CLCN5: variants seen among roughly 807,000 people sequenced by gnomAD.
CLCN5 encodes Cl-/H+ antiporter 5.
A neutral mutation model predicts 54.0 loss-of-function variants in CLCN5; 17 were observed. The observed-to-expected ratio is 0.31, with a 90% confidence interval of 0.22 to 0.47. The LOEUF (loss-of-function observed/expected upper bound fraction) is 0.47, where lower values mean the gene tolerates loss of function less well. CLCN5 is among the 20% of genes least tolerant of loss of function. CLCN5 has a pLI of 1.00. For missense variants in CLCN5, 448 were observed against 646.7 expected (o/e 0.69, Z 3.33); for synonymous variants, 222 against 233.0 (o/e 0.95, Z 0.43).
At chrX:49,940,558 G>A (rs1445581029) in intron 3 of CLCN5, among the ~76,000 whole-genome samples, 6 of 112,274 alleles carry the variant, frequency 5.3e-5, no homozygotes, top group Non-Finnish European at 1.9e-5. Context: ...CTAGCTTTTG[G>A]AAGGACGGTA....
At position 49,933,801 on chromosome X, in the gene CLCN5, C is replaced by G. The variant is rs928985220; in HGVS notation, c.16+8487C>G. ...GTTATGATAATATTTACTGCACGTG[C>G]TTCTAGATGAGAGTCAGTCATCAGA... On this transcript the variant is annotated intron_variant, in intron 3 of 14. Transcript: ENST00000376091. 6.8e-4 allele frequency among the ~76,000 whole-genome samples: 76 copies of G among 112,057 alleles called. 1 individual carries two copies. The highest frequency in any genetic ancestry group is 2.4e-3 in the African/African-American group (74 of 30,888).
chrX:49,956,086 A>G (rs2147296850), intron 3 of CLCN5, among the ~76,000 whole-genome samples: 1 of 112,194 alleles, frequency 8.9e-6, no homozygotes, highest in East Asian at 2.8e-4. Flanking sequence ...CATTAGAGCT[A>G]ATATTAGCCT....
intron 3 of CLCN5, among the ~76,000 whole-genome samples, chrX:49,944,569 G>T (rs1203583682): frequency 9.0e-6 from 1 of 111,723 alleles, no homozygotes; most frequent in Middle Eastern, 4.2e-3. Flanking sequence ...ATTATTTTGA[G>T]ATACGTCCCA....
intron 3 of CLCN5, among the ~76,000 whole-genome samples, chrX:49,995,548 C>A (rs1335748282): frequency 1.8e-5 from 2 of 111,399 alleles, no homozygotes; most frequent in Non-Finnish European, 3.8e-5. Flanking sequence ...CAGAGACATT[C>A]TTAGAGTGGG....
intron 4 of CLCN5, among the ~76,000 whole-genome samples, chrX:50,064,114 C>G (rs1251800342): frequency 9.3e-6 from 1 of 107,006 alleles, no homozygotes; most frequent in South Asian, 4.3e-4. Context: ...CAGGGATGCC[C>G]TCTCTCACCG....
intron 3 of CLCN5, among the ~76,000 whole-genome samples, chrX:49,979,022 C>A (rs1602006443): frequency 9.0e-6 from 1 of 111,037 alleles, no homozygotes. Flanking sequence ...AGAAGATAAT[C>A]AAAACACAGG....
chrX:49,979,539 T>C (rs190169557), intron 3 of CLCN5, among the ~76,000 whole-genome samples: 2 of 112,291 alleles, frequency 1.8e-5, no homozygotes, highest in East Asian at 5.6e-4. Context: ...CAAAATATAA[T>C]TCATTTTCTG....
At chrX:50,050,690 C>T (rs1207497709) in intron 4 of CLCN5, among the ~76,000 whole-genome samples, 2 of 78,643 alleles carry the variant, frequency 2.5e-5, no homozygotes, top group Non-Finnish European at 4.5e-5. Context: ...GATGGAGTCT[C>T]GCTCTGTTGA....
Position 50,077,615 on chromosome X carries a change from A to T in CLCN5, c.603+1633A>T, listed in dbSNP as rs1157192446. Among the ~76,000 whole-genome samples, 751 of 90,825 alleles carry T rather than the reference A, an allele frequency of 8.3e-3. 12 individuals carry two copies. The highest frequency in any genetic ancestry group is 0.035 in the African/African-American group (714 of 20,431). 78.9% of individuals were successfully genotyped at this position (90,825 alleles called of 115,157 possible). The stretch of plus-strand genomic sequence containing the variant: ...GTGAAAGAGAGAGAGAGAGAGAGAG[A>T]GAGAGAGTGTGTGTGTGTGTGTGTG... On this transcript the variant is annotated intron_variant, in intron 7 of 14. Transcript: ENST00000376091.
intron 3 of CLCN5, among the ~76,000 whole-genome samples, chrX:49,933,577 G>A (rs1557169167): frequency 8.9e-6 from 1 of 111,892 alleles, no homozygotes; most frequent in African/African-American, 3.3e-5. Flanking sequence ...CAGACTCCCT[G>A]GATTTGTATC....
chrX:49,998,269 C>T (rs1213355989), intron 3 of CLCN5, among the ~76,000 whole-genome samples: 1 of 111,646 alleles, frequency 9.0e-6, no homozygotes, highest in African/African-American at 3.3e-5. Flanking sequence ...ACTGCTCAAA[C>T]GACACAGGTG....
chrX:50,080,109 C>G (rs1557192822), intron 7 of CLCN5, among the ~76,000 whole-genome samples: 3 of 111,197 alleles, frequency 2.7e-5, no homozygotes, highest in South Asian at 7.7e-4. Context: ...AATTTTGTTA[C>G]TATAAACTAT....
intron 3 of CLCN5, among the ~76,000 whole-genome samples, chrX:50,007,892 T>C (rs781998798): frequency 8.9e-6 from 1 of 112,140 alleles, no homozygotes; most frequent in East Asian, 2.8e-4. Context: ...TCTAGGCTAA[T>C]ATGTGGTAGA....
chrX:50,086,314 C>G lies in CLCN5; in HGVS notation c.1015-14C>G. ...GTATTGACTGAGTTTGCTTTCTCAC[C>G]TTCTTTCTTCTAGGTCAGCTACTAT... is the stretch of plus-strand genomic sequence containing the variant. On this transcript the variant is annotated splice_polypyrimidine_tract_variant and intron_variant, in intron 10 of 14. Coordinates refer to ENST00000376091, the MANE Select transcript of CLCN5 (RefSeq NM_001127898.4). The G allele has an allele frequency of 8.3e-7, 1 of 1,203,983 alleles. No individual in the cohort carries two copies. Among genetic ancestry groups the G allele is most frequent in the Non-Finnish European group, 1.1e-6 (1 of 890,329 alleles).
intron 3 of CLCN5, among the ~76,000 whole-genome samples, chrX:50,004,248 A>G (rs1307386214): frequency 8.9e-6 from 1 of 112,203 alleles, no homozygotes; most frequent in African/African-American, 3.2e-5. Context: ...CACCAGGGAT[A>G]CACCAGTGAC....
At chrX:49,942,559 C>A (rs782260899) in intron 3 of CLCN5, among the ~76,000 whole-genome samples, 1 of 101,847 alleles carries the variant, frequency 9.8e-6, no homozygotes, top group African/African-American at 3.6e-5. Flanking sequence ...CCCCCTCCCC[C>A]CTACCCCACG....
intron 4 of CLCN5, among the ~76,000 whole-genome samples, chrX:50,069,310 G>A (rs1933144526): frequency 9.0e-6 from 1 of 111,293 alleles, no homozygotes; most frequent in Admixed American, 9.6e-5. Flanking sequence ...ATCTTAGACT[G>A]TGCTGACATA....
intron 4 of CLCN5, among the ~76,000 whole-genome samples, chrX:50,057,797 G>T (rs1192380310): frequency 2.7e-5 from 3 of 109,377 alleles, no homozygotes; most frequent in African/African-American, 9.9e-5. Context: ...GGCACAAGTT[G>T]CTAGATAGAA....
intron 3 of CLCN5, among the ~76,000 whole-genome samples, chrX:50,041,401 T>C (rs1557187120): frequency 9.0e-6 from 1 of 111,346 alleles, no homozygotes; most frequent in African/African-American, 3.3e-5. Context: ...TTAAGTAAAA[T>C]TTACAATCTG....
Sources: gnomAD v4.1 joint callset for allele counts (sites outside exome capture counted in the v4.1 genomes callset) on GRCh38, gnomAD v4.1.1 for gene constraint, MANE v1.5 for transcripts, NCBI Gene and HGNC (gene_info 2026-07-23, HGNC 2026-07-21) for gene names.